Variants in GLRA1 observed in about 807,000 individuals in gnomAD.
GLRA1 encodes the protein glycine receptor alpha 1, also known as glycine receptor subunit alpha-1.
Under a neutral mutation model 48.3 loss-of-function variants are expected in GLRA1, and 37 were observed. The ratio of observed to expected loss-of-function variants is 0.77; its 90% confidence interval spans 0.59 to 1.01. The LOEUF (loss-of-function observed/expected upper bound fraction) is 1.01. Ranked by LOEUF, GLRA1 falls within the 50% of genes least tolerant of loss-of-function variation. The pLI is 0.00. For missense variants in GLRA1, 427 were observed against 571.0 expected (o/e 0.75, Z 2.57); for synonymous variants, 196 against 210.7 (o/e 0.93, Z 0.60).
intron 7 of GLRA1, among the ~76,000 whole-genome samples, chr5:151,846,873 T>G (rs907688720): frequency 3.9e-5 from 6 of 152,216 alleles, no homozygotes; most frequent in African/African-American, 1.4e-4. Context: ...TAATAACCAT[T>G]GAGTTAATGT....
intron 1 of GLRA1, among the ~76,000 whole-genome samples, chr5:151,894,934 C>G (rs1415063883): frequency 2.6e-5 from 4 of 152,162 alleles, no homozygotes; most frequent in Non-Finnish European, 5.9e-5. Flanking sequence ...TCTGAAGATC[C>G]TTACTCATAT....
intron 6 of GLRA1, among the ~76,000 whole-genome samples, chr5:151,852,056 C>T (rs1752927127): frequency 6.6e-6 from 1 of 152,134 alleles, no homozygotes; most frequent in Admixed American, 6.5e-5. Context: ...TTGGTCTCAT[C>T]CTTCTTTCCT....
chr5:151,875,542 C>G (rs966081405), intron 3 of GLRA1: 11 of 152,062 alleles, frequency 7.2e-5, no homozygotes, highest in African/African-American at 2.7e-4. Context: ...TTGCAAATAC[C>G]CAAAATGATG....
At chr5:151,825,319 A>G (rs1405880184) in intron 8 of GLRA1, among the ~76,000 whole-genome samples, 3 of 151,940 alleles carry the variant, frequency 2.0e-5, no homozygotes, top group African/African-American at 7.3e-5. Flanking sequence ...TTTATTTTTT[A>G]TTTTAAACTG....
intron 7 of GLRA1, among the ~76,000 whole-genome samples, chr5:151,846,062 G>A (rs921085303): frequency 6.6e-6 from 1 of 152,178 alleles, no homozygotes; most frequent in African/African-American, 2.4e-5. Flanking sequence ...GCTCTTGGGA[G>A]TGGGGAATGA....
chr5:151,854,907 T>G, intron 6 of GLRA1, 133 bp downstream of exon 6: 1 of 1,025,468 alleles, frequency 9.8e-7, no homozygotes, highest in South Asian at 1.3e-5. Flanking sequence ...GCCACATTTT[T>G]GTTTCAAAAC....
At chr5:151,839,516 G>A (rs891056094) in intron 7 of GLRA1, among the ~76,000 whole-genome samples, 2 of 152,130 alleles carry the variant, frequency 1.3e-5, no homozygotes, top group African/African-American at 4.8e-5. Flanking sequence ...ATATATAGGA[G>A]CAAAGTTTTT....
chr5:151,904,379 G>C (rs1452685340), intron 1 of GLRA1, among the ~76,000 whole-genome samples: 1 of 152,178 alleles, frequency 6.6e-6, no homozygotes, highest in Non-Finnish European at 1.5e-5. Context: ...CCTTGGAAAT[G>C]CGACAAGCTG....
At chr5:151,847,342 T>C (rs953143573) in intron 7 of GLRA1, among the ~76,000 whole-genome samples, 7 of 152,196 alleles carry the variant, frequency 4.6e-5, no homozygotes, top group African/African-American at 1.7e-4. Flanking sequence ...AAGTATCAAG[T>C]ATTAATAGTG....
chr5:151,874,749 T>C (rs1753583067), intron 3 of GLRA1, among the ~76,000 whole-genome samples: 1 of 152,108 alleles, frequency 6.6e-6, no homozygotes, highest in African/African-American at 2.4e-5. Flanking sequence ...TGAAGCAATG[T>C]CTGAGCTGAG....
At chr5:151,846,453 G>T (rs1031214850) in intron 7 of GLRA1, among the ~76,000 whole-genome samples, 3 of 152,236 alleles carry the variant, frequency 2.0e-5, no homozygotes, top group Non-Finnish European at 4.4e-5. Flanking sequence ...AGAATGTGTT[G>T]TCAGGTGTTA....
intron 7 of GLRA1, among the ~76,000 whole-genome samples, chr5:151,837,013 C>T (rs965989438): frequency 6.6e-5 from 10 of 152,162 alleles, no homozygotes; most frequent in Non-Finnish European, 1.5e-4. Flanking sequence ...AAAAAACTAT[C>T]ATCAGAGTGA....
intron 1 of GLRA1, among the ~76,000 whole-genome samples, chr5:151,914,749 A>G (rs1754696938): frequency 6.6e-6 from 1 of 152,184 alleles, no homozygotes; most frequent in Non-Finnish European, 1.5e-5. Flanking sequence ...CACACACTTT[A>G]TAATGGGGGT....
intron 7 of GLRA1, among the ~76,000 whole-genome samples, chr5:151,833,817 C>CAAAAAAAA (rs766149505): frequency 1.0e-4 from 8 of 79,168 alleles, no homozygotes; most frequent in East Asian, 3.1e-4. Context: ...AAAAAAAAAG[C>CAAAAAAAA]AGGGGTTGCA....
At position 151,924,546 on chromosome 5, in the gene GLRA1, A is replaced by G. The variant is rs778643926; in HGVS notation, c.4T>C (p.Tyr2His). 1.2e-5 allele frequency: 20 copies of G among 1,600,612 alleles called. No individual in the cohort carries two copies. Among genetic ancestry groups the G allele is most frequent in the Non-Finnish European group, 1.5e-5 (18 of 1,167,634 alleles). Reference protein sequence around the residue: MYSFNTLRLYLW... With the variant: MHSFNTLRLYLW... ...TAGAGTCGAAGAGTATTGAAGCTGT[A>G]CATTTTTCAGGTCCTTGTGCTTTGT... The change falls in exon 1 of 9, where the codon TAC (tyrosine) becomes CAC (histidine). Residue 2 changes from tyrosine to histidine, a missense_variant. Tyr to His is a moderately conservative substitution (Grantham distance 83). Coordinates refer to ENST00000274576, the MANE Select transcript of GLRA1 (RefSeq NM_000171.4).
At chr5:151,854,014 G>A (rs548085140) in intron 6 of GLRA1, among the ~76,000 whole-genome samples, 2 of 152,108 alleles carry the variant, frequency 1.3e-5, no homozygotes, top group African/African-American at 2.4e-5. Flanking sequence ...GCATACCTTC[G>A]ATATATGCAA....
At chr5:151,891,309 G>A (rs982373666) in intron 2 of GLRA1, among the ~76,000 whole-genome samples, 4 of 152,208 alleles carry the variant, frequency 2.6e-5, no homozygotes, top group African/African-American at 9.6e-5. Context: ...TAGTCTCTTG[G>A]TTATAGACAC....
At chr5:151,844,610 G>C (rs1427514934) in intron 7 of GLRA1, among the ~76,000 whole-genome samples, 1 of 95,916 alleles carries the variant, frequency 1.0e-5, no homozygotes. Flanking sequence ...TGACAGAGTA[G>C]TACTCTATCT....
At chr5:151,845,152 A>T (rs1414439578) in intron 7 of GLRA1, among the ~76,000 whole-genome samples, 1 of 152,320 alleles carries the variant, frequency 6.6e-6, no homozygotes, top group South Asian at 2.1e-4. Flanking sequence ...AGTCACCCCT[A>T]AGAGAAGGCA....
Sources: allele counts gnomAD v4.1 joint callset (sites outside exome capture counted in the v4.1 genomes callset), GRCh38; gene constraint gnomAD v4.1.1; transcripts MANE v1.5; gene names NCBI Gene and HGNC (gene_info 2026-07-23, HGNC 2026-07-21).